The following TMEM132C variants were observed in gnomAD, a reference collection of about 807,000 sequenced individuals.
TMEM132C encodes protein phosphatase 1, regulatory subunit 152.
In TMEM132C, 29 loss-of-function variants were observed where a neutral mutation model predicts 61.4. The observed-to-expected ratio is 0.47, with a 90% CI of 0.35 to 0.64. The LOEUF (loss-of-function observed/expected upper bound fraction) is 0.64, where lower values mean the gene tolerates loss of function less well. TMEM132C is among the 30% of genes least tolerant of loss of function. The pLI is 0.00. For missense variants in TMEM132C, 1,408 were observed against 1,476.9 expected (o/e 0.95, Z 0.76); for synonymous variants, 656 against 633.1 (o/e 1.04, Z -0.54).
intron 4 of TMEM132C, among the ~76,000 whole-genome samples, chr12:128,636,358 A>G (rs1307398998): frequency 1.3e-5 from 2 of 152,156 alleles, no homozygotes; most frequent in Non-Finnish European, 2.9e-5. Flanking sequence ...GGTGTCATCC[A>G]CATTTTTAAA....
At chr12:128,409,138 G>C (rs910051177) in intron 1 of TMEM132C, among the ~76,000 whole-genome samples, 2 of 152,264 alleles carry the variant, frequency 1.3e-5, no homozygotes, top group Admixed American at 1.3e-4. Flanking sequence ...GAAGTGTCTG[G>C]GTCATGAGTG....
At chr12:128,267,878 T>G (rs1415667617) in intron 1 of TMEM132C, among the ~76,000 whole-genome samples, 2 of 152,204 alleles carry the variant, frequency 1.3e-5, no homozygotes, top group Admixed American at 6.5e-5. Flanking sequence ...CTCCGCTCTG[T>G]GCGCTCCTTC....
At chr12:128,505,887 C>T (rs576937831) in intron 2 of TMEM132C, among the ~76,000 whole-genome samples, 47 of 134,806 alleles carry the variant, frequency 3.5e-4, no homozygotes, top group African/African-American at 1.0e-3. Flanking sequence ...TGGTCAGACC[C>T]GTGGGATTTG....
chr12:128,485,268 G>C (rs187636176), intron 2 of TMEM132C, among the ~76,000 whole-genome samples: 1 of 152,022 alleles, frequency 6.6e-6, no homozygotes, highest in Admixed American at 6.5e-5. Flanking sequence ...CCTCCGCCTC[G>C]CAGGTTCAAG....
intron 2 of TMEM132C, among the ~76,000 whole-genome samples, chr12:128,529,557 G>C (rs1341609830): frequency 6.6e-6 from 1 of 152,218 alleles, no homozygotes; most frequent in Admixed American, 6.5e-5. Flanking sequence ...GCCAAGGCGG[G>C]TGGATCACCT....
chr12:128,609,628 C>A (rs1436281483), intron 3 of TMEM132C, among the ~76,000 whole-genome samples: 3 of 152,014 alleles, frequency 2.0e-5, no homozygotes, highest in African/African-American at 7.2e-5. Context: ...CCTTCATACT[C>A]TTTGCTCCTC....
intron 2 of TMEM132C, among the ~76,000 whole-genome samples, chr12:128,543,110 C>G (rs929491466): frequency 8.5e-5 from 13 of 152,150 alleles, no homozygotes; most frequent in African/African-American, 2.9e-4. Flanking sequence ...TTAGGAGGAG[C>G]TCTTTGCCTT....
chr12:128,397,130 G>T (rs1353186109), intron 1 of TMEM132C, among the ~76,000 whole-genome samples: 1 of 152,148 alleles, frequency 6.6e-6, no homozygotes, highest in Non-Finnish European at 1.5e-5. Context: ...TGGCCCCAGG[G>T]TGGGGGAGCC....
intron 3 of TMEM132C, among the ~76,000 whole-genome samples, chr12:128,577,695 T>C (rs762197807): frequency 6.0e-4 from 91 of 152,226 alleles, no homozygotes; most frequent in Non-Finnish European, 1.5e-4. Context: ...TGGCTATTGA[T>C]CTTTTAAAAG....
intron 1 of TMEM132C, among the ~76,000 whole-genome samples, chr12:128,397,522 A>G (rs767662526): frequency 5.9e-5 from 9 of 152,192 alleles, no homozygotes; most frequent in Non-Finnish European, 1.0e-4. Flanking sequence ...ACAAACCACC[A>G]TAAAGCAGAG....
chr12:128,646,827 A>T (rs1273126062), intron 4 of TMEM132C, among the ~76,000 whole-genome samples: 1 of 137,614 alleles, frequency 7.3e-6, no homozygotes, highest in African/African-American at 2.8e-5. Context: ...GTCCATCGGC[A>T]TTGGATGTGA....
At chr12:128,515,783 C>T (rs1329539113) in intron 2 of TMEM132C, among the ~76,000 whole-genome samples, 2 of 151,300 alleles carry the variant, frequency 1.3e-5, no homozygotes, top group African/African-American at 2.4e-5. Context: ...TGCAGTGAGC[C>T]GAGATGGTGC....
intron 5 of TMEM132C, 147 bp from the exon 6 acceptor site, chr12:128,693,682 T>C (rs1344735819): frequency 2.3e-6 from 2 of 877,424 alleles, no homozygotes; most frequent in Non-Finnish European, 3.5e-6. Context: ...TTAAACTGAG[T>C]GCACCAAATC....
rs190607033 is a variant in TMEM132C, at chr12:128,303,812, T to G, written c.85+36325T>G. Among the ~76,000 whole-genome samples, 3 of 152,236 alleles carry G rather than the reference T, an allele frequency of 2.0e-5. No homozygotes were observed. The East Asian group carries it at 5.8e-4, about 29-fold the overall frequency. ...CCAGTAGGATGAGTTAGAAGTGGCATTGTGGAAGTCATTTCTGAGCTCAGA... is the reference window on the plus strand; with the variant it reads ...CCAGTAGGATGAGTTAGAAGTGGCAGTGTGGAAGTCATTTCTGAGCTCAGA... On this transcript the variant is annotated intron_variant, in intron 1 of 8. Coordinates refer to ENST00000435159, the MANE Select transcript of TMEM132C (RefSeq NM_001136103.3).
chr12:128,532,734 A>G (rs1873364110), intron 2 of TMEM132C, among the ~76,000 whole-genome samples: 1 of 151,684 alleles, frequency 6.6e-6, no homozygotes, highest in Admixed American at 6.6e-5. Flanking sequence ...GGATGTGCCA[A>G]CCATGTGAGG....
chr12:128,648,642 C>A (rs1954235784), intron 4 of TMEM132C, among the ~76,000 whole-genome samples: 1 of 149,928 alleles, frequency 6.7e-6, no homozygotes, highest in South Asian at 2.1e-4. Flanking sequence ...TTACTGGAGT[C>A]CATCGGCGTT....
chr12:128,409,275 C>T (rs910956711), intron 1 of TMEM132C, among the ~76,000 whole-genome samples: 2 of 152,118 alleles, frequency 1.3e-5, no homozygotes, highest in Non-Finnish European at 2.9e-5. Context: ...GTTCAAATAA[C>T]CCTGGAAGCA....
At chr12:128,588,396 C>T (rs1319615565) in intron 3 of TMEM132C, among the ~76,000 whole-genome samples, 16 of 152,210 alleles carry the variant, frequency 1.1e-4, no homozygotes, top group Admixed American at 1.0e-3. Context: ...CACACCACTA[C>T]ACTCCAGCCT....
chr12:128,542,388 C>T (rs1873788607), intron 2 of TMEM132C, among the ~76,000 whole-genome samples: 1 of 152,164 alleles, frequency 6.6e-6, no homozygotes, highest in South Asian at 2.1e-4. Context: ...TCGCTGCAAC[C>T]TCCGCCTCCC....
Sources: gnomAD v4.1 joint callset for allele counts (sites outside exome capture counted in the v4.1 genomes callset) on GRCh38, gnomAD v4.1.1 for gene constraint, MANE v1.5 for transcripts, NCBI Gene and HGNC (gene_info 2026-07-23, HGNC 2026-07-21) for gene names.